Variants in ANKRD12 observed in about 807,000 individuals in gnomAD.
ANKRD12 encodes the protein ankyrin repeat domain-containing protein 12.
In ANKRD12, 85 loss-of-function variants were observed where a neutral mutation model predicts 183.4. That is an observed-to-expected ratio of 0.46 (90% CI 0.39 to 0.56). ANKRD12 has a LOEUF of 0.56. ANKRD12 is among the 20% of genes least tolerant of loss of function. ANKRD12 has a pLI of 0.00. For missense variants in ANKRD12, 2,405 were observed against 2,357.1 expected (o/e 1.02, Z -0.42); for synonymous variants, 914 against 800.2 (o/e 1.14, Z -2.40).
At chr18:9,163,275 C>T (rs2031660005) in intron 1 of ANKRD12, among the ~76,000 whole-genome samples, 2 of 152,146 alleles carry the variant, frequency 1.3e-5, no homozygotes, top group Non-Finnish European at 2.9e-5. Context: ...ACCCAGCTCT[C>T]CTAACACCAT....
chr18:9,277,925 G>C (rs1314167244), intron 11 of ANKRD12, among the ~76,000 whole-genome samples: 1 of 152,124 alleles, frequency 6.6e-6, no homozygotes. Flanking sequence ...CCCTGCCCCA[G>C]ATTTTCTTAA....
At chr18:9,180,987 A>C (rs928680676) in intron 1 of ANKRD12, among the ~76,000 whole-genome samples, 2 of 152,194 alleles carry the variant, frequency 1.3e-5, no homozygotes, top group African/African-American at 2.4e-5. Context: ...TATGTGGCTC[A>C]TAACTTTAAC....
chr18:9,254,495 T>A lies in ANKRD12; in HGVS notation c.1228T>A (p.Ser410Thr). Reference protein sequence around the residue: ...AKQEKAFYPKSFKSKKQKPSR... With the variant: ...AKQEKAFYPKTFKSKKQKPSR... Reference sequence around the variant, plus strand: ...ACAGGAGAAAGCCTTCTATCCTAAATCATTTAAAAGTAAAAAACAAAAGCC... The same window carrying A: ...ACAGGAGAAAGCCTTCTATCCTAAAACATTTAAAAGTAAAAAACAAAAGCC... Residue 410 changes from serine to threonine, a missense_variant, in exon 9 of 13, where the codon TCA becomes ACA. By Grantham distance (58) the Ser-to-Thr change is moderately conservative (BLOSUM62 1). Coordinates refer to ENST00000262126, the MANE Select transcript of ANKRD12 (RefSeq NM_015208.5). The A allele has an allele frequency of 6.5e-7, 1 of 1,544,292 alleles. No homozygotes were observed. Among genetic ancestry groups the A allele is most frequent in the Non-Finnish European group, 8.7e-7 (1 of 1,151,894 alleles).
chr18:9,195,137 T>A (rs1246480368), intron 2 of ANKRD12, among the ~76,000 whole-genome samples: 1 of 151,978 alleles, frequency 6.6e-6, no homozygotes, highest in Non-Finnish European at 1.5e-5. Context: ...AAACATTGAG[T>A]ACACATGGAC....
At chr18:9,268,404 A>G (rs2039420187) in intron 10 of ANKRD12, among the ~76,000 whole-genome samples, 1 of 152,242 alleles carries the variant, frequency 6.6e-6, no homozygotes, top group Admixed American at 6.5e-5. Context: ...CCAGCAGCAC[A>G]TCAAGAAGCT....
At chr18:9,247,542 C>T (rs892386942) in intron 8 of ANKRD12, among the ~76,000 whole-genome samples, 7 of 152,142 alleles carry the variant, frequency 4.6e-5, no homozygotes, top group African/African-American at 1.4e-4. Flanking sequence ...ACAATATTAT[C>T]ATATTTAGGC....
At chr18:9,265,019 C>T (rs191440264) in intron 10 of ANKRD12, among the ~76,000 whole-genome samples, 1 of 152,264 alleles carries the variant, frequency 6.6e-6, no homozygotes, top group Non-Finnish European at 1.5e-5. Context: ...CACGGAGCCT[C>T]GCTCATTGCT....
intron 1 of ANKRD12, among the ~76,000 whole-genome samples, chr18:9,154,562 A>G (rs2030102511): frequency 1.3e-5 from 2 of 152,132 alleles, no homozygotes; most frequent in African/African-American, 4.8e-5. Context: ...TCTCTTAAAA[A>G]ACAACAACAA....
chr18:9,210,910 G>A (rs2035767655), intron 5 of ANKRD12, among the ~76,000 whole-genome samples: 1 of 151,786 alleles, frequency 6.6e-6, no homozygotes, highest in Non-Finnish European at 1.5e-5. Flanking sequence ...AATTAACACT[G>A]TATATATGTC....
chr18:9,272,989 G>A (rs1250304822), intron 10 of ANKRD12, among the ~76,000 whole-genome samples: 1 of 152,118 alleles, frequency 6.6e-6, no homozygotes, highest in African/African-American at 2.4e-5. Context: ...AAACCTAGAA[G>A]ACTAGGCACA....
chr18:9,189,286 A>C (rs760647908), intron 2 of ANKRD12, among the ~76,000 whole-genome samples: 1 of 152,244 alleles, frequency 6.6e-6, no homozygotes, highest in Non-Finnish European at 1.5e-5. Context: ...TGGAAGCTGC[A>C]GAAGAAAAGT....
intron 8 of ANKRD12, among the ~76,000 whole-genome samples, chr18:9,230,898 C>T (rs190871412): frequency 1.2e-4 from 19 of 152,146 alleles, no homozygotes; most frequent in Admixed American, 4.6e-4. Context: ...GAACTCCTGA[C>T]CTCAAGTGAT....
chr18:9,269,099 C>T (rs1283269437), intron 10 of ANKRD12, among the ~76,000 whole-genome samples: 11 of 152,194 alleles, frequency 7.2e-5, no homozygotes, highest in African/African-American at 2.4e-4. Flanking sequence ...AACTACAAAC[C>T]ACTGCTCAAT....
chr18:9,185,846 G>A (rs1157960079), intron 2 of ANKRD12, among the ~76,000 whole-genome samples: 2 of 152,136 alleles, frequency 1.3e-5, no homozygotes, highest in Admixed American at 6.5e-5. Context: ...GAAAGATGAG[G>A]CCATTGAAAC....
In ANKRD12 at chr18:9,256,812, C is replaced by G; in HGVS notation, c.3545C>G (p.Ser1182Ter). 1 of 1,613,968 alleles carries G rather than the reference C, an allele frequency of 6.2e-7. No individual in the cohort carries two copies. Among genetic ancestry groups the G allele is most frequent in the Non-Finnish European group, 8.5e-7 (1 of 1,179,956 alleles). ...VMTLGKSSFV[S>*]DNSLNRSPRS... ...ACTTTAGGGAAGTCATCTTTTGTTT[C>G]AGATAATAGCTTAAACAGGTCTCCT... Residue 1182 changes from serine (S) to a stop codon, truncating the protein, a stop_gained, in exon 9 of 13, where the codon TCA becomes TGA. Transcript: ENST00000262126. LOFTEE classifies it high-confidence loss of function.
chr18:9,255,867 TAAAAG>T lies in ANKRD12; in HGVS notation c.2606_2610del (p.Glu869GlyfsTer13), dbSNP rs763566865. The T allele has an allele frequency of 3.7e-5, 58 of 1,586,556 alleles. No homozygotes were observed. Among genetic ancestry groups the T allele is most frequent in the South Asian group, 6.0e-5 (5 of 84,032 alleles). On this transcript the variant is annotated frameshift_variant, in exon 9 of 13. Transcript: ENST00000262126. LOFTEE classifies it high-confidence loss of function. ...GATCTTAGTGAATGTGTTGATAAAA[TAAAAG>T]AAAAGGACAAGCTATATTCGCATCA...
rs148284788 is a variant in ANKRD12 at position 9,177,136 on chromosome 18, A to T, written c.-51-5246A>T. ...GGCTTAAACAGGAAAGTAGCCCTGA[A>T]CAAGTATTAATATACTCTGTGCAGC... On this transcript the variant is annotated intron_variant, in intron 1 of 12. Coordinates refer to ENST00000262126, the MANE Select transcript of ANKRD12 (RefSeq NM_015208.5). Among the ~76,000 whole-genome samples, 966 of 152,354 alleles carry T rather than the reference A, an allele frequency of 6.3e-3. 7 individuals are homozygous for T. The highest frequency in any genetic ancestry group is 0.017 in the Middle Eastern group (5 of 294).
intron 2 of ANKRD12, among the ~76,000 whole-genome samples, 161 bp from the exon 3 acceptor site, chr18:9,195,390 G>A (rs2034720005): frequency 6.6e-6 from 1 of 152,004 alleles, no homozygotes; most frequent in Non-Finnish European, 1.5e-5. Context: ...ATATGAAACA[G>A]GAAAAAATGT....
rs779718965 is a variant in ANKRD12, at chr18:9,216,813, A to G, written c.708A>G (p.Ile236Met). 1.9e-6 allele frequency: 3 copies of G among 1,613,622 alleles called. No homozygotes were observed. The highest frequency in any genetic ancestry group is 2.5e-6 in the Non-Finnish European group (3 of 1,179,622). Residue 236 changes from isoleucine to methionine, a missense_variant, in exon 7 of 13, where the codon ATA (isoleucine) becomes ATG (methionine). Ile to Met is a conservative substitution (Grantham distance 10). Coordinates refer to ENST00000262126, the MANE Select transcript of ANKRD12 (RefSeq NM_015208.5). ...CNVGYYDVAKILIAAGADVNT... is the reference protein window; with the variant it reads ...CNVGYYDVAKMLIAAGADVNT... ...TTGGATATTACGATGTTGCTAAGAT[A>G]CTTATAGCAGCTGGAGCAGATGTTA...
Sources: gnomAD v4.1 joint callset for allele counts (sites outside exome capture counted in the v4.1 genomes callset) on GRCh38, gnomAD v4.1.1 for gene constraint, MANE v1.5 for transcripts, NCBI Gene and HGNC (gene_info 2026-07-23, HGNC 2026-07-21) for gene names.